ZNF487: variants seen among roughly 807,000 people sequenced by gnomAD.
ZNF487 encodes KRAB domain only 1.
In ZNF487, 4 loss-of-function variants were observed where a neutral mutation model predicts 3.0. That is an observed-to-expected ratio of 1.35 (90% CI 0.66 to 3.08). The LOEUF is 3.08. Among genes scored for constraint, ZNF487 ranks in the 30% most tolerant of loss-of-function variants. ZNF487 has a pLI of 0.01. For missense variants in ZNF487, 146 were observed against 98.7 expected (o/e 1.48, Z -2.03); for synonymous variants, 55 against 34.6 (o/e 1.59, Z -2.06).
intron 1 of ZNF487, among the ~76,000 whole-genome samples, chr10:43,456,201 C>G (rs933020158): frequency 6.6e-6 from 1 of 152,158 alleles, no homozygotes; most frequent in African/African-American, 2.4e-5. Flanking sequence ...CAGGGAGTTA[C>G]AAGACTTGGG....
chr10:43,458,647 A>G (rs1483227621), intron 1 of ZNF487, among the ~76,000 whole-genome samples: 1 of 152,164 alleles, frequency 6.6e-6, no homozygotes, highest in Non-Finnish European at 1.5e-5. Flanking sequence ...AAGTCTAAAA[A>G]ACATTGTTTT....
At chr10:43,508,089 C>G in the ZNF487 span, among the ~76,000 whole-genome samples, 1 of 152,154 alleles carries the variant, frequency 6.6e-6, no homozygotes, top group African/African-American at 2.4e-5. Flanking sequence ...TCTGTAGGGT[C>G]ATAGGGAAAA....
chr10:43,516,128 C>A, the ZNF487 span, among the ~76,000 whole-genome samples: 4 of 152,124 alleles, frequency 2.6e-5, no homozygotes, highest in Admixed American at 6.5e-5. Flanking sequence ...GTAGGAGCAA[C>A]CAACCAGCTT....
chr10:43,479,078 T>C (rs1841210531), intron 3 of ZNF487, among the ~76,000 whole-genome samples: 1 of 138,858 alleles, frequency 7.2e-6, no homozygotes, highest in Non-Finnish European at 1.5e-5. Context: ...TGTATGTATG[T>C]ATGTGTGTAT....
chr10:43,517,281 T>G, the ZNF487 span, among the ~76,000 whole-genome samples: 1 of 152,266 alleles, frequency 6.6e-6, no homozygotes, highest in Non-Finnish European at 1.5e-5. Flanking sequence ...GTACACACAA[T>G]GTTAATACAA....
chr10:43,445,833 G>C (rs1015560472), intron 1 of ZNF487, among the ~76,000 whole-genome samples: 1 of 152,116 alleles, frequency 6.6e-6, no homozygotes, highest in Admixed American at 6.6e-5. Context: ...GCGGCCTTCC[G>C]CAGTGTTTGT....
chr10:43,473,279 G>A (rs1840971722), intron 1 of ZNF487, among the ~76,000 whole-genome samples: 1 of 150,628 alleles, frequency 6.6e-6, no homozygotes, highest in African/African-American at 2.4e-5. Context: ...GTAGATATGG[G>A]GTTTCACCAT....
chr10:43,440,215 AT>A (rs1475990489), intron 1 of ZNF487, among the ~76,000 whole-genome samples: 1 of 151,790 alleles, frequency 6.6e-6, no homozygotes, highest in East Asian at 1.9e-4. Context: ...TGCCTGGCTA[AT>A]TTTTTATATT....
the ZNF487 span, among the ~76,000 whole-genome samples, chr10:43,497,555 C>T: frequency 6.6e-6 from 1 of 152,110 alleles, no homozygotes; most frequent in East Asian, 1.9e-4. Context: ...TGCACTAGCT[C>T]AGTAGAGTTA....
At chr10:43,460,009 A>G (rs955441968) in intron 1 of ZNF487, among the ~76,000 whole-genome samples, 11 of 151,712 alleles carry the variant, frequency 7.3e-5, no homozygotes, top group African/African-American at 2.7e-4. Flanking sequence ...TCACCGTGTC[A>G]GCCAGGATGG....
chr10:43,468,758 G>A (rs1589043304), intron 1 of ZNF487, among the ~76,000 whole-genome samples: 1 of 150,304 alleles, frequency 6.7e-6, no homozygotes, highest in African/African-American at 2.4e-5. Flanking sequence ...GGGAGGCCGA[G>A]GCAGGCGGAT....
chr10:43,477,883 G>T (rs1841161482), intron 3 of ZNF487, among the ~76,000 whole-genome samples: 1 of 151,764 alleles, frequency 6.6e-6, no homozygotes, highest in South Asian at 2.1e-4. Flanking sequence ...TGGGGCAGCA[G>T]ACGTTGGAGT....
At chr10:43,442,734 C>T (rs750264749) in intron 1 of ZNF487, among the ~76,000 whole-genome samples, 3 of 152,096 alleles carry the variant, frequency 2.0e-5, no homozygotes, top group African/African-American at 7.2e-5. Flanking sequence ...TGAGACACCG[C>T]GCCCAGCCCT....
At chr10:43,437,665 CAG>C (rs1338703728) in intron 1 of ZNF487, among the ~76,000 whole-genome samples, 1 of 152,096 alleles carries the variant, frequency 6.6e-6, no homozygotes, top group African/African-American at 2.4e-5. Context: ...CCTTAAGAGT[CAG>C]AAACTTGCAC....
Position 43,476,220 on chromosome 10 carries a change from T to G in ZNF487, c.130+18T>G. 1 of 713,238 alleles carries G rather than the reference T, an allele frequency of 1.4e-6. No individual in the cohort carries two copies. The highest frequency in any genetic ancestry group is 2.6e-6 in the Non-Finnish European group (1 of 384,218). 44.2% of individuals were successfully genotyped at this position (713,238 alleles called of 1,614,324 possible). On this transcript the variant is annotated intron_variant, in intron 3 of 3. Coordinates refer to ENST00000437590, the MANE Select transcript of ZNF487 (RefSeq NM_001355444.3). ...CCACCTAGGTGAGTTAATAAATATA[T>G]AGGAAGCTATAATCCCAGGGAGAAA...
chr10:43,463,552 A>ATT (rs34591446), intron 1 of ZNF487, among the ~76,000 whole-genome samples: 1 of 145,216 alleles, frequency 6.9e-6, no homozygotes. Flanking sequence ...AAAAAAAAAA[A>ATT]TTTTTTTTTT....
the ZNF487 span, among the ~76,000 whole-genome samples, chr10:43,502,523 A>T: frequency 0.13 from 19,053 of 149,398 alleles, 2,568 homozygotes; most frequent in African/African-American, 0.34. Context: ...AAAGTATAAT[A>T]AAAAAAAAAG....
intron 1 of ZNF487, among the ~76,000 whole-genome samples, chr10:43,465,970 G>A (rs749274282): frequency 6.6e-6 from 1 of 152,220 alleles, no homozygotes; most frequent in Non-Finnish European, 1.5e-5. Flanking sequence ...GGGATCACTC[G>A]CAGTTAGGAG....
chr10:43,454,937 CAAAAAAAA>C (rs58217923), intron 1 of ZNF487, among the ~76,000 whole-genome samples: 1 of 85,426 alleles, frequency 1.2e-5, no homozygotes, highest in Non-Finnish European at 2.1e-5. Context: ...GACCTTGTCT[CAAAAAAAA>C]AAAAAAAAAA....
Sources: allele counts gnomAD v4.1 joint callset (sites outside exome capture counted in the v4.1 genomes callset), GRCh38; gene constraint gnomAD v4.1.1; transcripts MANE v1.5; gene names NCBI Gene and HGNC (gene_info 2026-07-23, HGNC 2026-07-21).